Variants in EPG5 observed in about 807,000 individuals in gnomAD.
The protein encoded by EPG5 is ectopic P granules protein 5 homolog.
A neutral mutation model predicts 302.7 loss-of-function variants in EPG5; 159 were observed. The ratio of observed to expected loss-of-function variants is 0.53; its 90% CI spans 0.46 to 0.60. The LOEUF (loss-of-function observed/expected upper bound fraction) is 0.60, where lower values mean the gene tolerates loss of function less well. Among genes scored for constraint, EPG5 ranks in the 20% least tolerant of loss-of-function variants. EPG5 has a pLI of 0.00. For synonymous variants in EPG5, 1,158 were observed against 1,136.8 expected (o/e 1.02, Z -0.37); for missense variants, 2,896 against 3,092.4 (o/e 0.94, Z 1.51).
chr18:45,867,584 T>A lies in EPG5; in HGVS notation c.6390A>T (p.Glu2130Asp), dbSNP rs754032976. The change falls in exon 37 of 44, where the codon GAA becomes GAT. Residue 2130 changes from glutamate to aspartate, a missense_variant. Around this residue, in one of 5 missense-constraint regions of EPG5, gnomAD observed 620 missense variants for 704.2 expected, o/e 0.88. Coordinates refer to ENST00000282041, the MANE Select transcript of EPG5 (RefSeq NM_020964.3). ...TTACTGTTTGGTCTACCAGTTGAAC[T>A]TCCTTTGCCAATAAAATCATCATGA... ...LLFMMILLAK[E>D]VQLVDQTDSP... 1.2e-6 allele frequency: 2 copies of A among 1,613,912 alleles called. No homozygotes were observed. The highest frequency in any genetic ancestry group is 1.7e-5 in the Admixed American group (1 of 59,962).
At chr18:45,860,915 T>TC (rs2048621565) in intron 39 of EPG5, among the ~76,000 whole-genome samples, 1 of 152,052 alleles carries the variant, frequency 6.6e-6, no homozygotes, top group African/African-American at 2.4e-5. Context: ...TGGTAATTTT[T>TC]CAAAAAAAAT....
rs756098385 is a variant in EPG5 at position 45,910,664 on chromosome 18, T to A, written c.4062A>T (p.Arg1354Ser). ...GGAAGTCAGCCACCTCGGTCAAACG[T>A]CTCTTCATTTCTTTCAACAAATTGA... ...AHINLLKEMK[R>S]RLTEVADFHH... Residue 1354 changes from arginine (R) to serine (S), a missense_variant, in exon 23 of 44, where the codon AGA (arginine) becomes AGT (serine). Physicochemically the swap from Arg to Ser is moderately radical, Grantham distance 110. Coordinates refer to ENST00000282041, the MANE Select transcript of EPG5 (RefSeq NM_020964.3). 6.2e-7 allele frequency: 1 copy of A among 1,614,008 alleles called. No individual in the cohort carries two copies. The highest frequency in any genetic ancestry group is 2.2e-5 in the East Asian group (1 of 44,884).
chr18:45,814,075 G>A, the EPG5 span, among the ~76,000 whole-genome samples: 2,792 of 152,114 alleles, frequency 0.018, 92 homozygotes, highest in African/African-American at 0.064. Context: ...ACTGTAAAGG[G>A]AGAAATTATA....
Position 45,878,586 on chromosome 18 carries a change from G to A in EPG5, c.5870-138C>T, listed in dbSNP as rs2049021800. 3 of 609,578 alleles carry A rather than the reference G, an allele frequency of 4.9e-6. No individual in the cohort carries two copies. The South Asian group carries it at 6.3e-5, about 13-fold the overall frequency. 37.8% of individuals were successfully genotyped at this position (609,578 alleles called of 1,614,324 possible). ...TTAATGTATAAACAACATGCTTAGT[G>A]TAACTATGTATGTTTACGTTTTCAT... On this transcript the variant is annotated intron_variant, in intron 33 of 43. Transcript: ENST00000282041.
chr18:45,941,454 G>C (rs1476774717), intron 9 of EPG5, among the ~76,000 whole-genome samples: 3 of 152,140 alleles, frequency 2.0e-5, no homozygotes, highest in Admixed American at 6.5e-5. Flanking sequence ...GGAATAAAAT[G>C]GGAACTAATA....
At chr18:45,889,702 TG>T in intron 28 of EPG5, 95 bp downstream of exon 28, 1 of 1,106,174 alleles carries the variant, frequency 9.0e-7, no homozygotes, top group Non-Finnish European at 1.2e-6. Context: ...AATTAACCTG[TG>T]GGTGCTGCAG....
chr18:45,898,190 T>C (rs1433859814), intron 27 of EPG5, among the ~76,000 whole-genome samples: 1 of 152,138 alleles, frequency 6.6e-6, no homozygotes, highest in Non-Finnish European at 1.5e-5. Context: ...CAAAATCCCA[T>C]CTCTACTACA....
chr18:45,858,436 G>T (rs1218153238), intron 41 of EPG5, 130 bp downstream of exon 41: 2 of 691,602 alleles, frequency 2.9e-6, no homozygotes, highest in Admixed American at 2.9e-5. Context: ...CAAAACAACT[G>T]TCACCATACC....
rs149706844 is a variant in EPG5 at position 45,937,007 on chromosome 18, T to C, written c.2100-2041A>G. On this transcript the variant is annotated intron_variant, in intron 10 of 43. Transcript: ENST00000282041. ...ACTCTGGAAAAGCCAGCTAGACTTC[T>C]GAACAAGAGATTAAGAAACTTCTCT... is the stretch of plus-strand genomic sequence containing the variant. Among the ~76,000 whole-genome samples, 795 of 152,212 alleles carry C rather than the reference T, an allele frequency of 5.2e-3. 5 individuals carry two copies. Among genetic ancestry groups the C allele is most frequent in the African/African-American group, 0.018 (741 of 41,522 alleles).
intron 14 of EPG5, among the ~76,000 whole-genome samples, chr18:45,923,682 C>T (rs1249625759): frequency 2.0e-5 from 3 of 152,286 alleles, no homozygotes; most frequent in South Asian, 4.1e-4. Flanking sequence ...ACAAACACTT[C>T]GGGTCAAGGG....
chr18:45,928,841 C>T, intron 13 of EPG5, 28 bp downstream of exon 13: 2 of 1,591,084 alleles, frequency 1.3e-6, no homozygotes, highest in East Asian at 2.2e-5. Flanking sequence ...TTTGAAAAAA[C>T]AAAAACAAAC....
intron 29 of EPG5, among the ~76,000 whole-genome samples, chr18:45,885,643 G>A (rs770882956): frequency 1.1e-4 from 17 of 151,876 alleles, no homozygotes; most frequent in Admixed American, 2.6e-4. Context: ...CAATTTCACC[G>A]GCAGGAAGGC....
intron 7 of EPG5, among the ~76,000 whole-genome samples, 154 bp from the exon 8 acceptor site, chr18:45,944,273 G>T (rs558721654): frequency 4.6e-5 from 7 of 152,278 alleles, no homozygotes; most frequent in African/African-American, 1.7e-4. Context: ...GCAATTTATA[G>T]TATCAGTTCC....
rs1460787313 is a variant in EPG5, at chr18:45,903,984, T to A, written c.4463A>T (p.Asp1488Val). Residue 1488 changes from aspartate (D) to valine (V), a missense_variant, in exon 25 of 44, where the codon GAT becomes GTT. Asp to Val is a radical substitution (Grantham distance 152). Around this residue, in one of 5 missense-constraint regions of EPG5, gnomAD observed 790 missense variants for 798.0 expected, o/e 0.99. Coordinates refer to ENST00000282041, the MANE Select transcript of EPG5 (RefSeq NM_020964.3). ...CSLSVQLDFT[D>V]PLLAKERVLS... ...CTCCCAGGACCCACCCAGCAAAGGATCAGTGAAGTCCAGCTGCACGGACAA... is the reference window on the plus strand; with the variant it reads ...CTCCCAGGACCCACCCAGCAAAGGAACAGTGAAGTCCAGCTGCACGGACAA... 3 of 1,608,616 alleles carry A rather than the reference T, an allele frequency of 1.9e-6. No homozygotes were observed. The highest frequency in any genetic ancestry group is 2.5e-6 in the Non-Finnish European group (3 of 1,178,952).
the EPG5 span, among the ~76,000 whole-genome samples, chr18:45,831,687 G>A: frequency 1.3e-5 from 2 of 152,010 alleles, no homozygotes; most frequent in East Asian, 3.9e-4. Flanking sequence ...TTATACTTCA[G>A]CTGGTCCAAC....
the EPG5 span, chr18:45,838,702 G>A: frequency 1.9e-6 from 3 of 1,556,904 alleles, no homozygotes; most frequent in Admixed American, 1.8e-5. Flanking sequence ...ACAGTCACCC[G>A]CCTTCTCCCC....
chr18:45,929,694 G>A (rs1599594898), intron 12 of EPG5, among the ~76,000 whole-genome samples: 1 of 152,268 alleles, frequency 6.6e-6, no homozygotes, highest in African/African-American at 2.4e-5. Context: ...TTTAGCAACA[G>A]ATCTTGAGAA....
Position 45,955,336 on chromosome 18 carries a change from T to C in EPG5, c.66A>G (p.Glu22=), listed in dbSNP as rs1786120186. 6.5e-7 allele frequency: 1 copy of C among 1,536,864 alleles called. No individual in the cohort carries two copies. Among genetic ancestry groups the C allele is most frequent in the Non-Finnish European group, 8.8e-7 (1 of 1,142,272 alleles). Residue 22 remains glutamate (E), a splice_region_variant and synonymous_variant, in exon 2 of 44, where the codon GAA becomes GAG. Coordinates refer to ENST00000282041, the MANE Select transcript of EPG5 (RefSeq NM_020964.3). ...KAKASRTKTK[E]KKKYETPQRE... The stretch of plus-strand genomic sequence containing the variant: ...TCTGAGGAGTTTCATACTTCTTCTT[T>C]TCCTAAAAACAACATACATAATGTG...
chr18:45,863,119 C>T (rs956004393), intron 39 of EPG5, among the ~76,000 whole-genome samples: 31 of 152,160 alleles, frequency 2.0e-4, no homozygotes, highest in Admixed American at 1.7e-3. Context: ...TATAGCTATG[C>T]CAGCTTTCTA....
Sources: allele counts gnomAD v4.1 joint callset (sites outside exome capture counted in the v4.1 genomes callset), GRCh38; gene constraint gnomAD v4.1.1; regional missense constraint gnomAD v4.1.1; transcripts MANE v1.5; gene names NCBI Gene and HGNC (gene_info 2026-07-23, HGNC 2026-07-21).